Variants in OR1J2 observed in about 807,000 individuals in gnomAD.
OR1J2 encodes olfactory receptor 1J2.
For synonymous variants in OR1J2, 142 were observed against 99.7 expected (o/e 1.42, Z -2.52); for missense variants, 304 against 246.1 (o/e 1.24, Z -1.57).
chr9:122,546,976 C>A, the OR1J2 span, among the ~76,000 whole-genome samples: 13 of 152,024 alleles, frequency 8.6e-5, no homozygotes, highest in Non-Finnish European at 1.5e-4. Flanking sequence ...CTCCTTCTAG[C>A]TACTTGAAAC....
At chr9:122,570,765 A>G in the OR1J2 span, among the ~76,000 whole-genome samples, 1 of 152,216 alleles carries the variant, frequency 6.6e-6, no homozygotes, top group East Asian at 1.9e-4. Context: ...GATTTTATAG[A>G]AGGAATATTT....
the OR1J2 span, chr9:122,526,799 G>T: frequency 1.2e-6 from 2 of 1,614,078 alleles, no homozygotes; most frequent in Non-Finnish European, 1.7e-6. Flanking sequence ...TCACACAGAA[G>T]GACAACCGAG....
chr9:122,505,310 A>C, the OR1J2 span, among the ~76,000 whole-genome samples: 1 of 152,194 alleles, frequency 6.6e-6, no homozygotes, highest in African/African-American at 2.4e-5. Context: ...GTCTTGAGGC[A>C]GTTCAGGGCA....
chr9:122,448,767 A>G, the OR1J2 span, among the ~76,000 whole-genome samples: 1 of 152,152 alleles, frequency 6.6e-6, no homozygotes. Flanking sequence ...ATTCCATACA[A>G]CACATGTTTC....
At chr9:122,568,263 A>C in the OR1J2 span, 2 of 1,613,968 alleles carry the variant, frequency 1.2e-6, no homozygotes, top group African/African-American at 2.7e-5. Flanking sequence ...TGTAAAGCAA[A>C]TATCAGTGAG....
chr9:122,549,077 T>G, the OR1J2 span, among the ~76,000 whole-genome samples: 16 of 152,038 alleles, frequency 1.1e-4, no homozygotes, highest in African/African-American at 3.1e-4. Context: ...ATGTTTGCCC[T>G]CTCCAAACCT....
At chr9:122,472,473 C>T in the OR1J2 span, among the ~76,000 whole-genome samples, 372 of 152,278 alleles carry the variant, frequency 2.4e-3, no homozygotes, top group African/African-American at 8.6e-3. Context: ...TTATACTTGC[C>T]GTGGCCAAAA....
the OR1J2 span, among the ~76,000 whole-genome samples, chr9:122,552,077 T>A: frequency 0.7 from 96,969 of 138,624 alleles, 35,010 homozygotes; most frequent in East Asian, 0.99. Flanking sequence ...TCTCTCTCTC[T>A]CTCACACACA....
chr9:122,515,810 T>G (rs554419720), downstream of OR1J2, among the ~76,000 whole-genome samples: 3 of 152,178 alleles, frequency 2.0e-5, no homozygotes, highest in Non-Finnish European at 4.4e-5. Flanking sequence ...TATTACAATC[T>G]GCTTGATAAT....
At position 122,511,190 on chromosome 9, in the gene OR1J2, T is replaced by TC; in HGVS notation, c.391dup (p.His131ProfsTer50). ...CGATATGTTGCCATATGTCACCCTC[T>TC]CCACTACACTGTCATCATGAGGGAA... On this transcript the variant is annotated frameshift_variant, in exon 1 of 1. Transcript: ENST00000335302. LOFTEE classifies it low-confidence loss of function (END_TRUNC). The TC allele has an allele frequency of 2.8e-6, 2 of 724,026 alleles. No homozygotes were observed. The highest frequency in any genetic ancestry group is 5.1e-6 in the Non-Finnish European group (2 of 392,574). The allele number at this position is 724,026 out of a possible 1,614,324, so 44.9% of individuals were successfully genotyped here. A position where few individuals can be genotyped will look rare whatever the true frequency, so the allele number is the denominator to read the frequency against.
At chr9:122,550,718 C>G in the OR1J2 span, among the ~76,000 whole-genome samples, 1 of 151,876 alleles carries the variant, frequency 6.6e-6, no homozygotes, top group African/African-American at 2.4e-5. Context: ...GATAAAAATG[C>G]TCAACAAACT....
At chr9:122,515,829 T>C (rs1021715417), downstream of OR1J2, among the ~76,000 whole-genome samples, 4 of 152,146 alleles carry the variant, frequency 2.6e-5, no homozygotes, top group Non-Finnish European at 5.9e-5. Context: ...ATTTCCTGCC[T>C]GTAATCTGTA....
chr9:122,482,955 G>T, the OR1J2 span, among the ~76,000 whole-genome samples: 1 of 152,138 alleles, frequency 6.6e-6, no homozygotes, highest in South Asian at 2.1e-4. Context: ...GTACAGTAGG[G>T]TAAATATTGT....
downstream of OR1J2, chr9:122,511,780 T>C (rs1437940061): frequency 1.3e-6 from 1 of 776,384 alleles, no homozygotes; most frequent in African/African-American, 1.7e-5. Flanking sequence ...CTCATTTTGG[T>C]TTATCTCATG....
the OR1J2 span, among the ~76,000 whole-genome samples, chr9:122,503,277 C>T: frequency 0.011 from 1,603 of 152,306 alleles, 13 homozygotes; most frequent in Non-Finnish European, 0.018. Context: ...TGAATCATTG[C>T]ACTCAGGTCT....
At chr9:122,455,319 A>G in the OR1J2 span, among the ~76,000 whole-genome samples, 20 of 152,312 alleles carry the variant, frequency 1.3e-4, no homozygotes, top group South Asian at 2.5e-3. Context: ...ATACCATTTT[A>G]CATTCCCAAT....
chr9:122,495,616 G>T, the OR1J2 span, among the ~76,000 whole-genome samples: 3 of 151,690 alleles, frequency 2.0e-5, no homozygotes, highest in Non-Finnish European at 4.4e-5. Flanking sequence ...ATTTCTTTAA[G>T]TTGCACTTCA....
At chr9:122,576,388 A>T in the OR1J2 span, among the ~76,000 whole-genome samples, 1 of 138,610 alleles carries the variant, frequency 7.2e-6, no homozygotes, top group African/African-American at 2.6e-5. Context: ...CGCCCAGCTA[A>T]TTTTTTTTTT....
At chr9:122,569,177 A>G in the OR1J2 span, among the ~76,000 whole-genome samples, 2 of 152,140 alleles carry the variant, frequency 1.3e-5, no homozygotes, top group Non-Finnish European at 2.9e-5. Flanking sequence ...CATCCTCCCT[A>G]GCTCATGACA....
Sources: gnomAD v4.1 joint callset for allele counts (sites outside exome capture counted in the v4.1 genomes callset) on GRCh38, gnomAD v4.1.1 for gene constraint, MANE v1.5 for transcripts, NCBI Gene and HGNC (gene_info 2026-07-23, HGNC 2026-07-21) for gene names.